MYO16: variants seen among roughly 807,000 people sequenced by gnomAD.
MYO16 encodes myosin XVI, also known as unconventional myosin-XVI.
Under a neutral mutation model 205.3 loss-of-function variants are expected in MYO16, and 94 were observed. The observed-to-expected ratio is 0.46, with a 90% CI of 0.39 to 0.54. The LOEUF is 0.54. Ranked by LOEUF, MYO16 falls within the 20% of genes least tolerant of loss-of-function variation. The pLI, the probability that MYO16 is intolerant of heterozygous loss-of-function variation, is 0.00. For missense variants in MYO16, 2,315 were observed against 2,387.5 expected (o/e 0.97, Z 0.63); for synonymous variants, 988 against 954.0 (o/e 1.04, Z -0.66).
intron 3 of MYO16, among the ~76,000 whole-genome samples, chr13:108,714,205 G>A (rs1594233700): frequency 6.6e-6 from 1 of 152,140 alleles, no homozygotes; most frequent in South Asian, 2.1e-4. Context: ...ACAGGCACCC[G>A]CCATCACGCC....
chr13:108,835,987 A>G (rs1343136499), intron 9 of MYO16, among the ~76,000 whole-genome samples: 1 of 152,222 alleles, frequency 6.6e-6, no homozygotes, highest in Non-Finnish European at 1.5e-5. Context: ...ATAAGTAACA[A>G]GGAGCCAAGT....
intron 32 of MYO16, among the ~76,000 whole-genome samples, chr13:109,143,794 C>G (rs1877206254): frequency 6.6e-6 from 1 of 152,188 alleles, no homozygotes; most frequent in South Asian, 2.1e-4. Context: ...AATTATAAGA[C>G]TCTATTTTCT....
At chr13:108,970,970 T>C (rs1337390315) in intron 20 of MYO16, among the ~76,000 whole-genome samples, 1 of 152,196 alleles carries the variant, frequency 6.6e-6, no homozygotes, top group East Asian at 1.9e-4. Flanking sequence ...GTCCATGATC[T>C]AAAGTGTATT....
intron 16 of MYO16, among the ~76,000 whole-genome samples, chr13:108,922,300 G>A (rs1177343127): frequency 6.6e-6 from 1 of 152,226 alleles, no homozygotes; most frequent in Non-Finnish European, 1.5e-5. Context: ...GGCCTGTTGG[G>A]TGGGGCAGCC....
chr13:108,972,249 C>CTCTCTCTATATATATATATA (rs1178345437), intron 20 of MYO16, among the ~76,000 whole-genome samples: 2 of 2,850 alleles, frequency 7.0e-4, no homozygotes, highest in Non-Finnish European at 1.2e-3. Flanking sequence ...CTCTCTCTCT[C>CTCTCTCTATATATATATATA]TATATATATA....
At chr13:109,161,785 G>C (rs1329586695) in intron 32 of MYO16, among the ~76,000 whole-genome samples, 1 of 152,128 alleles carries the variant, frequency 6.6e-6, no homozygotes, top group Non-Finnish European at 1.5e-5. Context: ...AGCCTAACCT[G>C]TGTGACCGTT....
intron 28 of MYO16, among the ~76,000 whole-genome samples, chr13:109,106,599 G>T (rs1461811613): frequency 1.3e-5 from 2 of 152,172 alleles, no homozygotes; most frequent in African/African-American, 4.8e-5. Context: ...GATTTCTTCT[G>T]TGTAGTTATT....
At chr13:108,564,429 G>A in the MYO16 span, among the ~76,000 whole-genome samples, 6,671 of 152,132 alleles carry the variant, frequency 0.044, 437 homozygotes, top group African/African-American at 0.15. Flanking sequence ...TCGGCCTCCT[G>A]AAGTTCTGGG....
chr13:108,715,903 G>A (rs921792332), intron 3 of MYO16, among the ~76,000 whole-genome samples: 2 of 152,166 alleles, frequency 1.3e-5, no homozygotes, highest in Non-Finnish European at 2.9e-5. Context: ...TATAATTAAT[G>A]GAATATGTGG....
the MYO16 span, among the ~76,000 whole-genome samples, chr13:108,542,345 G>GA: frequency 6.6e-5 from 10 of 150,784 alleles, no homozygotes; most frequent in Non-Finnish European, 1.0e-4. Context: ...GAGAAGTTTA[G>GA]AAAAAAAAAC....
intron 1 of MYO16, among the ~76,000 whole-genome samples, chr13:108,642,755 G>C (rs1183246044): frequency 6.6e-6 from 1 of 152,030 alleles, no homozygotes; most frequent in Non-Finnish European, 1.5e-5. Context: ...CTGATTTATA[G>C]TAAGTGACAG....
the MYO16 span, among the ~76,000 whole-genome samples, chr13:108,540,432 ACACTTTAAGATGC>A: frequency 5.3e-5 from 8 of 152,106 alleles, no homozygotes; most frequent in Non-Finnish European, 1.0e-4. Flanking sequence ...ACTCACAGTG[ACACTTTAAGATGC>A]CATCCAAAAG....
At chr13:108,923,351 G>A (rs1881833333) in intron 16 of MYO16, among the ~76,000 whole-genome samples, 2 of 152,260 alleles carry the variant, frequency 1.3e-5, no homozygotes, top group Admixed American at 6.5e-5. Flanking sequence ...ATAAGGTGAA[G>A]GCAGTACAGC....
chr13:108,863,832 A>G (rs1225129081), intron 11 of MYO16, among the ~76,000 whole-genome samples: 1 of 152,152 alleles, frequency 6.6e-6, no homozygotes, highest in Non-Finnish European at 1.5e-5. Flanking sequence ...ACTATTTTAG[A>G]CATAGATTCA....
the MYO16 span, among the ~76,000 whole-genome samples, chr13:108,516,320 C>G: frequency 1.3e-5 from 2 of 151,784 alleles, no homozygotes; most frequent in South Asian, 2.1e-4. Context: ...GGCAATGCCT[C>G]GCCCTGCTTC....
chr13:108,555,438 A>T, the MYO16 span, among the ~76,000 whole-genome samples: 4 of 152,354 alleles, frequency 2.6e-5, no homozygotes, highest in South Asian at 8.3e-4. Context: ...AACACTCTTT[A>T]ACAGGTATTT....
chr13:109,099,627 T>C (rs1219117572), intron 27 of MYO16, among the ~76,000 whole-genome samples: 1 of 152,168 alleles, frequency 6.6e-6, no homozygotes, highest in Non-Finnish European at 1.5e-5. Flanking sequence ...ATTCTATCCA[T>C]GGCAGGTGTG....
chr13:109,094,929 G>A (rs1031525823), intron 27 of MYO16, among the ~76,000 whole-genome samples: 3 of 139,410 alleles, frequency 2.2e-5, no homozygotes, highest in South Asian at 2.2e-4. Flanking sequence ...TTCCAAGATT[G>A]CTTTTTAATT....
intron 16 of MYO16, among the ~76,000 whole-genome samples, chr13:108,949,434 C>T (rs1036725098): frequency 6.6e-6 from 1 of 152,058 alleles, no homozygotes; most frequent in Admixed American, 6.5e-5. Context: ...TAAAACATAA[C>T]ACCCTTTCCA....
Sources: gnomAD v4.1 joint callset for allele counts (sites outside exome capture counted in the v4.1 genomes callset) on GRCh38, gnomAD v4.1.1 for gene constraint, MANE v1.5 for transcripts, NCBI Gene and HGNC (gene_info 2026-07-23, HGNC 2026-07-21) for gene names.